Variants in CEP63 observed in about 807,000 individuals in gnomAD.
The protein encoded by CEP63 is centrosomal protein of 63 kDa.
CEP63 carries 84 observed loss-of-function variants against 89.1 expected under a neutral mutation model. The observed-to-expected ratio is 0.94, with a 90% CI of 0.79 to 1.13. CEP63 has a LOEUF of 1.13. CEP63 is among the 50% of genes most tolerant of loss of function. CEP63 has a pLI of 0.00. For synonymous variants in CEP63, 267 were observed against 272.5 expected (o/e 0.98, Z 0.20); for missense variants, 838 against 813.3 (o/e 1.03, Z -0.37).
downstream of CEP63, among the ~76,000 whole-genome samples, chr3:134,577,140 C>T (rs1159036430): frequency 1.3e-5 from 2 of 152,154 alleles, no homozygotes; most frequent in South Asian, 2.1e-4. Flanking sequence ...GGGCTCCAAA[C>T]AAGACTGGAG....
At chr3:134,651,221 C>T in the CEP63 span, 11 of 1,285,452 alleles carry the variant, frequency 8.6e-6, no homozygotes, top group East Asian at 3.9e-4. Flanking sequence ...AAGCCTTGAC[C>T]TGCACCGGGG....
the CEP63 span, among the ~76,000 whole-genome samples, chr3:134,721,828 G>A: frequency 1.3e-5 from 2 of 152,000 alleles, no homozygotes; most frequent in African/African-American, 4.8e-5. Context: ...TCCCACTTGT[G>A]CATAGTATAT....
At chr3:134,546,388 G>A (rs1465673221) in intron 8 of CEP63, 100 bp downstream of exon 8, 2 of 1,133,660 alleles carry the variant, frequency 1.8e-6, no homozygotes, top group African/African-American at 3.2e-5. Context: ...TTTTCAGATA[G>A]TCTCCTGTTG....
At chr3:134,689,672 T>G in the CEP63 span, among the ~76,000 whole-genome samples, 1 of 152,140 alleles carries the variant, frequency 6.6e-6, no homozygotes, top group Non-Finnish European at 1.5e-5. Context: ...TAGGCTGGTC[T>G]TGAACTCCTG....
chr3:134,705,851 A>G, the CEP63 span, among the ~76,000 whole-genome samples: 1 of 152,190 alleles, frequency 6.6e-6, no homozygotes, highest in Non-Finnish European at 1.5e-5. Context: ...CTTTTCTTCA[A>G]TTATGATTTT....
At chr3:134,781,926 G>T in the CEP63 span, among the ~76,000 whole-genome samples, 1 of 152,254 alleles carries the variant, frequency 6.6e-6, no homozygotes. Context: ...GCAGTGAAAT[G>T]CTGACTGGAA....
At chr3:134,694,239 A>G in the CEP63 span, among the ~76,000 whole-genome samples, 758 of 152,264 alleles carry the variant, frequency 5.0e-3, 2 homozygotes, top group African/African-American at 0.017. Flanking sequence ...CCCATGCTCA[A>G]TGCTGCAGCT....
chr3:134,665,700 C>CAGAG, the CEP63 span, among the ~76,000 whole-genome samples: 122 of 106,634 alleles, frequency 1.1e-3, no homozygotes, highest in African/African-American at 3.8e-3. Flanking sequence ...CACACACACA[C>CAGAG]ACAGAGAGAG....
At chr3:134,779,277 A>T in the CEP63 span, among the ~76,000 whole-genome samples, 3 of 152,240 alleles carry the variant, frequency 2.0e-5, no homozygotes, top group Non-Finnish European at 2.9e-5. Context: ...TCTTAGAAGT[A>T]TCTCATGTGA....
At chr3:134,536,560 G>A (rs553127693) in intron 5 of CEP63, 3 of 157,702 alleles carry the variant, frequency 1.9e-5, no homozygotes, top group African/African-American at 7.2e-5. Context: ...ACAAATATTT[G>A]TTAAAATTTG....
chr3:134,761,513 A>G, the CEP63 span, among the ~76,000 whole-genome samples: 146,929 of 152,234 alleles, frequency 0.97, 71,090 homozygotes, highest in East Asian at 1. Context: ...AAAGCCGAGG[A>G]AAGAAAAACT....
chr3:134,597,090 A>G, the CEP63 span, among the ~76,000 whole-genome samples: 1 of 152,152 alleles, frequency 6.6e-6, no homozygotes, highest in Non-Finnish European at 1.5e-5. Flanking sequence ...GACAAAGTGG[A>G]GAAAGCAGTG....
chr3:134,721,117 A>G, the CEP63 span, among the ~76,000 whole-genome samples: 2 of 152,084 alleles, frequency 1.3e-5, no homozygotes, highest in Non-Finnish European at 2.9e-5. Flanking sequence ...ATGTCTTTCC[A>G]CTTATTTAGC....
chr3:134,763,115 A>G, the CEP63 span, among the ~76,000 whole-genome samples: 1 of 151,908 alleles, frequency 6.6e-6, no homozygotes, highest in African/African-American at 2.4e-5. Flanking sequence ...GTTTTAGGGT[A>G]CATATACATA....
intron 12 of CEP63, among the ~76,000 whole-genome samples, chr3:134,554,803 G>A (rs986320744): frequency 2.9e-4 from 44 of 152,142 alleles, no homozygotes; most frequent in Non-Finnish European, 8.8e-5. Flanking sequence ...GTATCTCATT[G>A]TGGTTTTGAT....
chr3:134,514,350 A>G (rs1356599479), intron 3 of CEP63, among the ~76,000 whole-genome samples: 4 of 152,168 alleles, frequency 2.6e-5, no homozygotes, highest in African/African-American at 9.6e-5. Context: ...AAGAAAGTCT[A>G]ATATAAGTGT....
the CEP63 span, among the ~76,000 whole-genome samples, chr3:134,722,732 A>G: frequency 6.6e-6 from 1 of 152,144 alleles, no homozygotes; most frequent in African/African-American, 2.4e-5. Flanking sequence ...AATAAATGTT[A>G]GCTCCTTTCT....
At chr3:134,498,791 A>G (rs1430889944) in intron 2 of CEP63, among the ~76,000 whole-genome samples, 1 of 152,104 alleles carries the variant, frequency 6.6e-6, no homozygotes, top group Non-Finnish European at 1.5e-5. Context: ...CTTTTTCTGT[A>G]TCTGTTGAGA....
the CEP63 span, chr3:134,610,598 C>G: frequency 1.9e-6 from 1 of 523,502 alleles, no homozygotes; most frequent in Non-Finnish European, 3.4e-6. Flanking sequence ...CCTGTTGGTA[C>G]AGACTGGCTG....
Sources: gnomAD v4.1 joint callset for allele counts (sites outside exome capture counted in the v4.1 genomes callset) on GRCh38, gnomAD v4.1.1 for gene constraint, MANE v1.5 for transcripts, NCBI Gene and HGNC (gene_info 2026-07-23, HGNC 2026-07-21) for gene names.